MGARP: variants seen among roughly 807,000 people sequenced by gnomAD.
MGARP encodes protein MGARP.
MGARP carries 12 observed loss-of-function variants against 11.0 expected under a neutral mutation model. That is an observed-to-expected ratio of 1.09 (90% CI 0.70 to 1.77). The LOEUF is 1.77. Ranked by LOEUF, MGARP falls within the 40% of genes most tolerant of loss-of-function variation. The probability of loss-of-function intolerance (pLI) is 0.00; values close to 1 mark genes in which losing one functional copy is unlikely to be tolerated. For synonymous variants in MGARP, 110 were observed against 115.4 expected (o/e 0.95, Z 0.30); for missense variants, 283 against 297.8 (o/e 0.95, Z 0.36).
At chr4:139,275,634 G>A (rs759811960) in intron 1 of MGARP, among the ~76,000 whole-genome samples, 32 of 152,258 alleles carry the variant, frequency 2.1e-4, no homozygotes, top group Admixed American at 9.8e-4. Flanking sequence ...TGCCTTCTTG[G>A]AAGGGGTGCA....
chr4:139,274,016 A>G (rs894629226), intron 2 of MGARP, among the ~76,000 whole-genome samples: 1 of 152,176 alleles, frequency 6.6e-6, no homozygotes, highest in Non-Finnish European at 1.5e-5. Flanking sequence ...TTCACTTTAT[A>G]TATGTCTATG....
chr4:139,276,489 A>G (rs1744875886), intron 1 of MGARP, among the ~76,000 whole-genome samples: 1 of 152,140 alleles, frequency 6.6e-6, no homozygotes, highest in African/African-American at 2.4e-5. Context: ...AGAAGGTGTA[A>G]CGTATAAAAG....
intron 3 of MGARP, among the ~76,000 whole-genome samples, chr4:139,268,319 G>T (rs902623513): frequency 6.6e-6 from 1 of 152,208 alleles, no homozygotes; most frequent in Non-Finnish European, 1.5e-5. Context: ...AAAACTGAAA[G>T]ATAATTTGTT....
At position 139,275,382 on chromosome 4, in the gene MGARP, G is replaced by A. The variant is rs1201353602; in HGVS notation, c.93C>T (p.Arg31=). 1 of 1,612,574 alleles carries A rather than the reference G, an allele frequency of 6.2e-7. No homozygotes were observed. The highest frequency in any genetic ancestry group is 1.7e-5 in the Admixed American group (1 of 59,392). Reference sequence around the variant, plus strand: ...CAGGGAATCTGTTAGATGACATCCGGCGCAGAGATGCTAGGAAAAAAATGT... The same window carrying A: ...CAGGGAATCTGTTAGATGACATCCGACGCAGAGATGCTAGGAAAAAAATGT... The part of the protein sequence containing the change: ...PAPLGKDASL[R]RMSSNRFPGS... Residue 31 remains arginine (R), a synonymous_variant, in exon 2 of 4, where the codon CGC becomes CGT. Transcript: ENST00000398955.
chr4:139,266,357 C>A lies in MGARP; in HGVS notation c.*242G>T. On this transcript the variant is annotated 3_prime_UTR_variant, in exon 4 of 4. Transcript: ENST00000398955. ...CTAGAAAAAAAAACCAAAGATGAAA[C>A]TATTTAAGCTCTTTACTGCAATGTC... 5.3e-6 allele frequency: 2 copies of A among 380,034 alleles called. No individual in the cohort carries two copies. The highest frequency in any genetic ancestry group is 4.3e-5 in the East Asian group (1 of 23,388). 23.5% of individuals were successfully genotyped at this position (380,034 alleles called of 1,614,324 possible).
chr4:139,267,028 A>G lies in MGARP; in HGVS notation c.294T>C (p.Asn98=), dbSNP rs752289624. The change falls in exon 4 of 4, where the codon AAT becomes AAC. Residue 98 remains asparagine, a synonymous_variant. Transcript: ENST00000398955. ...AACTTGCTTTCTCAGTTTCCGCAAC[A>G]TTCTCCTTTTCACCTTTAAGAATTA... ...EIHPFQGEKE[N]VAETEKASSE... 2.3e-5 allele frequency: 37 copies of G among 1,613,342 alleles called. No individual in the cohort carries two copies. The highest frequency in any genetic ancestry group is 4.2e-6 in the Non-Finnish European group (5 of 1,179,666).
intron 3 of MGARP, among the ~76,000 whole-genome samples, 180 bp from the exon 4 acceptor site, chr4:139,267,221 T>C (rs1744712142): frequency 6.6e-6 from 1 of 152,150 alleles, no homozygotes. Context: ...CTACTATTGT[T>C]AGGGCAAAAT....
chr4:139,275,364 T>A lies in MGARP; in HGVS notation c.111A>T (p.Arg37Ser), dbSNP rs201906906. 1.5e-5 allele frequency: 24 copies of A among 1,614,030 alleles called. No homozygotes were observed. Among genetic ancestry groups the A allele is most frequent in the Non-Finnish European group, 1.8e-5 (21 of 1,179,960 alleles). Residue 37 changes from arginine to serine, a missense_variant, in exon 2 of 4, where the codon AGA becomes AGT. Coordinates refer to ENST00000398955, the MANE Select transcript of MGARP (RefSeq NM_032623.4). ...DASLRRMSSN[R>S]FPGSSGSNMI... ...TATTTGATCCAGATGATCCAGGGAA[T>A]CTGTTAGATGACATCCGGCGCAGAG...
chr4:139,266,632 A>G lies in MGARP; in HGVS notation c.690T>C (p.Ser230=), dbSNP rs1253606819. 2.5e-6 allele frequency: 4 copies of G among 1,613,836 alleles called. No individual in the cohort carries two copies. Among genetic ancestry groups the G allele is most frequent in the Non-Finnish European group, 3.4e-6 (4 of 1,179,982 alleles). The part of the protein sequence containing the change: ...SAGDDLQEEA[S]VGSEAASAQG ...GAGCCGAAGCAGCCTCAGAGCCAAC[A>G]CTGGCTTCCTCCTGTAAATCATCTC... Residue 230 remains serine (S), a synonymous_variant, in exon 4 of 4, where the codon AGT becomes AGC. Transcript: ENST00000398955.
At position 139,280,169 on chromosome 4, in the gene MGARP, G is replaced by C. The variant is rs1391342086; in HGVS notation, c.-11C>G. 4 of 1,605,028 alleles carry C rather than the reference G, an allele frequency of 2.5e-6. No homozygotes were observed. Among genetic ancestry groups the C allele is most frequent in the Non-Finnish European group, 3.4e-6 (4 of 1,177,310 alleles). On this transcript the variant is annotated 5_prime_UTR_variant, in exon 1 of 4. Coordinates refer to ENST00000398955, the MANE Select transcript of MGARP (RefSeq NM_032623.4). ...CCTGCGGAGATACATCGCGCCCGCT[G>C]TCCGCCGCGCAGCAGCCTCGGTACC...
intron 2 of MGARP, among the ~76,000 whole-genome samples, chr4:139,272,710 C>T (rs1273391362): frequency 6.5e-5 from 7 of 108,150 alleles, no homozygotes; most frequent in East Asian, 5.5e-4. Context: ...TTTTTTGAGA[C>T]GGAGTCTCAC....
chr4:139,277,473 C>CA (rs1393886962), intron 1 of MGARP, among the ~76,000 whole-genome samples: 2 of 151,984 alleles, frequency 1.3e-5, no homozygotes, highest in Admixed American at 1.3e-4. Context: ...TCATATTTCT[C>CA]AAACAGACAA....
intron 1 of MGARP, among the ~76,000 whole-genome samples, 153 bp from the exon 2 acceptor site, chr4:139,275,545 G>C (rs983704226): frequency 8.5e-5 from 13 of 152,120 alleles, no homozygotes; most frequent in Admixed American, 7.9e-4. Flanking sequence ...TACGAGGCTG[G>C]GTAATAATTC....
At chr4:139,271,323 C>T (rs1228184586) in intron 2 of MGARP, among the ~76,000 whole-genome samples, 2 of 152,054 alleles carry the variant, frequency 1.3e-5, no homozygotes, top group South Asian at 2.1e-4. Context: ...GTCAGGAGTT[C>T]GAGACCAGCC....
At chr4:139,276,910 A>G (rs1022407371) in intron 1 of MGARP, among the ~76,000 whole-genome samples, 1 of 152,224 alleles carries the variant, frequency 6.6e-6, no homozygotes, top group Non-Finnish European at 1.5e-5. Flanking sequence ...TTTATTTTGG[A>G]ATATATGCAT....
intron 2 of MGARP, among the ~76,000 whole-genome samples, chr4:139,271,362 C>T (rs760669005): frequency 1.3e-5 from 2 of 152,030 alleles, no homozygotes; most frequent in South Asian, 2.1e-4. Context: ...CTCATCTCTA[C>T]TAAAAATACA....
At chr4:139,275,167 A>T in intron 2 of MGARP, 122 bp downstream of exon 2, 1 of 733,244 alleles carries the variant, frequency 1.4e-6, no homozygotes, top group Non-Finnish European at 2.3e-6. Context: ...AATGACACTT[A>T]AATCTATTGC....
intron 3 of MGARP, 135 bp from the exon 4 acceptor site, chr4:139,267,176 T>A: frequency 1.1e-6 from 1 of 873,536 alleles, no homozygotes. Flanking sequence ...GACTCTCAAG[T>A]GAAACAGCAA....
Position 139,267,025 on chromosome 4 carries a change from A to G in MGARP, c.297T>C (p.Val99=). 1 of 1,613,346 alleles carries G rather than the reference A, an allele frequency of 6.2e-7. No individual in the cohort carries two copies. Among genetic ancestry groups the G allele is most frequent in the Non-Finnish European group, 8.5e-7 (1 of 1,179,580 alleles). The change falls in exon 4 of 4, where the codon GTT becomes GTC. Residue 99 remains valine, a synonymous_variant. Coordinates refer to ENST00000398955, the MANE Select transcript of MGARP (RefSeq NM_032623.4). ...IHPFQGEKEN[V]AETEKASSEA... ...CTGAACTTGCTTTCTCAGTTTCCGCAACATTCTCCTTTTCACCTTTAAGAA... is the reference window on the plus strand; with the variant it reads ...CTGAACTTGCTTTCTCAGTTTCCGCGACATTCTCCTTTTCACCTTTAAGAA...
Sources: gnomAD v4.1 joint callset for allele counts (sites outside exome capture counted in the v4.1 genomes callset) on GRCh38, gnomAD v4.1.1 for gene constraint, MANE v1.5 for transcripts, NCBI Gene and HGNC (gene_info 2026-07-23, HGNC 2026-07-21) for gene names.